The following IVL variants were observed in gnomAD, a reference collection of about 807,000 sequenced individuals.
The protein encoded by IVL is involucrin.
For missense variants in IVL, 722 were observed against 624.9 expected (o/e 1.16, Z -1.66); for synonymous variants, 257 against 271.0 (o/e 0.95, Z 0.51).
In IVL at chr1:152,910,889, G is replaced by A. The variant is rs1389293035; in HGVS notation, c.1092G>A (p.Gly364=). 2 of 1,551,028 alleles carry A rather than the reference G, an allele frequency of 1.3e-6. No individual in the cohort carries two copies. Among genetic ancestry groups the A allele is most frequent in the South Asian group, 1.2e-5 (1 of 84,006 alleles). Residue 364 remains glycine (G), a synonymous_variant, in exon 2 of 2, where the codon GGG becomes GGA. Transcript: ENST00000368764. ...EHLEHQEGQL[G]LPEQQVLQLK... ...TGGAGCACCAGGAAGGGCAGCTGGG[G>A]CTCCCAGAGCAGCAGGTGCTGCAGC...
chr1:152,909,945 G>C lies in IVL; in HGVS notation c.148G>C (p.Glu50Gln). 6.2e-7 allele frequency: 1 copy of C among 1,613,948 alleles called. No homozygotes were observed. The highest frequency in any genetic ancestry group is 8.5e-7 in the Non-Finnish European group (1 of 1,179,936). ...LPPPCQKVPV[E>Q]LPVEVPSKQE... is the part of the protein sequence containing the mutation. ...TCCCCCATGCCAGAAGGTGCCTGTC[G>C]AGCTCCCAGTGGAGGTCCCATCAAA... Residue 50 changes from glutamate (E) to glutamine (Q), a missense_variant, in exon 2 of 2, where the codon GAG (glutamate) becomes CAG (glutamine). Physicochemically the swap from Glu to Gln is conservative, Grantham distance 29. Coordinates refer to ENST00000368764, the MANE Select transcript of IVL (RefSeq NM_005547.4).
chr1:152,909,702 A>G, intron 1 of IVL, 77 bp from the exon 2 acceptor site: 2 of 1,191,764 alleles, frequency 1.7e-6, no homozygotes, highest in Non-Finnish European at 2.4e-6. Flanking sequence ...AAAAAACCAG[A>G]TACTTCTGCA....
In IVL at chr1:152,910,354, C is replaced by G. The variant is rs748096693; in HGVS notation, c.557C>G (p.Pro186Arg). Reference sequence around the variant, plus strand: ...CAGCAGGAGGGGCAGCTGGAGCTCCCAGAGCAGCAGGAGGGGCAGCTGGAG... The same window carrying G: ...CAGCAGGAGGGGCAGCTGGAGCTCCGAGAGCAGCAGGAGGGGCAGCTGGAG... ...PEQQEGQLEL[P>R]EQQEGQLELP... Residue 186 changes from proline (P) to arginine (R), a missense_variant, in exon 2 of 2, where the codon CCA (proline) becomes CGA (arginine). By Grantham distance (103) the Pro-to-Arg change is moderately radical (BLOSUM62 -2). Coordinates refer to ENST00000368764, the MANE Select transcript of IVL (RefSeq NM_005547.4). The G allele has an allele frequency of 1.6e-5, 25 of 1,522,302 alleles. No homozygotes were observed. 94.3% of individuals were successfully genotyped at this position (1,522,302 alleles called of 1,614,324 possible). A position where few individuals can be genotyped will look rare whatever the true frequency, so the allele number is the denominator to read the frequency against.
rs925233325 is a variant in IVL at position 152,911,303 on chromosome 1, C to T, written c.1506C>T (p.His502=). The change falls in exon 2 of 2, where the codon CAC becomes CAT. Residue 502 remains histidine (H), a synonymous_variant. Coordinates refer to ENST00000368764, the MANE Select transcript of IVL (RefSeq NM_005547.4). ...AGCAGCAGGTAGGACAGCCAAAGCA[C>T]CTGGAACAGCAGGAAAAGCACCTAG... ...LPEQQVGQPK[H]LEQQEKHLEH... The T allele has an allele frequency of 6.4e-7, 1 of 1,569,736 alleles. No homozygotes were observed. The highest frequency in any genetic ancestry group is 8.6e-7 in the Non-Finnish European group (1 of 1,157,668).
At position 152,909,944 on chromosome 1, in the gene IVL, C is replaced by A. The variant is rs774830762; in HGVS notation, c.147C>A (p.Val49=). The change falls in exon 2 of 2, where the codon GTC becomes GTA. Residue 49 remains valine (V), a synonymous_variant. Coordinates refer to ENST00000368764, the MANE Select transcript of IVL (RefSeq NM_005547.4). ...PLPPPCQKVP[V]ELPVEVPSKQ... ...CTCCCCCATGCCAGAAGGTGCCTGT[C>A]GAGCTCCCAGTGGAGGTCCCATCAA... 1.9e-6 allele frequency: 3 copies of A among 1,614,118 alleles called. No individual in the cohort carries two copies. The highest frequency in any genetic ancestry group is 2.5e-6 in the Non-Finnish European group (3 of 1,180,024).
chr1:152,911,320 A>T lies in IVL; in HGVS notation c.1523A>T (p.Lys508Met). The stretch of plus-strand genomic sequence containing the variant: ...CCAAAGCACCTGGAACAGCAGGAAA[A>T]GCACCTAGAGCACCCAGAGCAGCAG... ...GQPKHLEQQE[K>M]HLEHPEQQDG... The change falls in exon 2 of 2, where the codon AAG (lysine) becomes ATG (methionine). Residue 508 changes from lysine (K) to methionine (M), a missense_variant. Lys to Met is a moderately conservative substitution (Grantham distance 95). Coordinates refer to ENST00000368764, the MANE Select transcript of IVL (RefSeq NM_005547.4). The T allele has an allele frequency of 6.3e-7, 1 of 1,579,890 alleles. No homozygotes were observed. The highest frequency in any genetic ancestry group is 2.3e-5 in the East Asian group (1 of 42,908).
In IVL at chr1:152,910,560, C is replaced by T. The variant is rs4459054; in HGVS notation, c.763C>T (p.Leu255Phe). The T allele has an allele frequency of 1.2e-3, 1,918 of 1,542,370 alleles. 50 individuals are homozygous for T. In the African/African-American group the frequency reaches 0.026, roughly 21 times the overall value. The change falls in exon 2 of 2, where the codon CTC becomes TTC. Residue 255 changes from leucine (L) to phenylalanine (F), a missense_variant. By Grantham distance (22) the Leu-to-Phe change is conservative. Transcript: ENST00000368764. ...TGAGCAGCAGGAGGGGCAGCTGGAG[C>T]TCTCTGAGCAGCAGGAGGGACAGCT... is the stretch of plus-strand genomic sequence containing the variant. ...LSEQQEGQLE[L>F]SEQQEGQLKH... is the part of the protein sequence containing the mutation.
rs190623998 is a variant in IVL at position 152,911,090 on chromosome 1, G to C, written c.1293G>C (p.Lys431Asn). The C allele has an allele frequency of 6.4e-7, 1 of 1,552,684 alleles. No homozygotes were observed. The highest frequency in any genetic ancestry group is 8.7e-7 in the Non-Finnish European group (1 of 1,147,466). Reference sequence around the variant, plus strand: ...TGGAGCAGCAGGTGGGGCAGCTGAAGCACCTAGAGGAGCAGGAGGGACAAC... The same window carrying C: ...TGGAGCAGCAGGTGGGGCAGCTGAACCACCTAGAGGAGCAGGAGGGACAAC... ...EHLEQQVGQLKHLEEQEGQLK... is the reference protein window; with the variant it reads ...EHLEQQVGQLNHLEEQEGQLK... The change falls in exon 2 of 2, where the codon AAG becomes AAC. Residue 431 changes from lysine (K) to asparagine (N), a missense_variant. By Grantham distance (94) the Lys-to-Asn change is moderately conservative. Coordinates refer to ENST00000368764, the MANE Select transcript of IVL (RefSeq NM_005547.4).
intron 1 of IVL, 96 bp from the exon 2 acceptor site, chr1:152,909,682 AG>A (rs1649881033): frequency 1.1e-6 from 1 of 887,252 alleles, no homozygotes. Context: ...CCAAGGGAAG[AG>A]GGGATGCTAA....
chr1:152,911,352 C>A lies in IVL; in HGVS notation c.1555C>A (p.Gln519Lys), dbSNP rs1364302652. ...HLEHPEQQDGQLKHLEQQEGQ... is the reference protein window; with the variant it reads ...HLEHPEQQDGKLKHLEQQEGQ... ...AGAGCACCCAGAGCAGCAGGACGGA[C>A]AACTAAAACATCTGGAGCAGCAGGA... is the stretch of plus-strand genomic sequence containing the variant. The change falls in exon 2 of 2, where the codon CAA (glutamine) becomes AAA (lysine). Residue 519 changes from glutamine to lysine, a missense_variant. Coordinates refer to ENST00000368764, the MANE Select transcript of IVL (RefSeq NM_005547.4). The A allele has an allele frequency of 1.9e-6, 3 of 1,606,410 alleles. No homozygotes were observed. In the Admixed American group the frequency reaches 5.1e-5, roughly 28 times the overall value.
At chr1:152,909,673 C>T in intron 1 of IVL, 106 bp from the exon 2 acceptor site, 1 of 829,470 alleles carries the variant, frequency 1.2e-6, no homozygotes, top group Non-Finnish European at 1.9e-6. Context: ...GTACCCTGCC[C>T]AAGGGAAGAG....
In IVL at chr1:152,911,144, G is replaced by A. The variant is rs61731340; in HGVS notation, c.1347G>A (p.Gln449=). The A allele has an allele frequency of 1.9e-3, 2,884 of 1,558,780 alleles. 48 individuals are homozygous for A. The African/African-American group carries it at 0.034, about 19-fold the overall frequency. Reference sequence around the variant, plus strand: ...AGCATCTGGAGCAGCAGCAGGGGCAGTTGGAGGTCCCAGAGCAGCAGGTGG... The same window carrying A: ...AGCATCTGGAGCAGCAGCAGGGGCAATTGGAGGTCCCAGAGCAGCAGGTGG... ...QLKHLEQQQG[Q]LEVPEQQVGQ... is the part of the protein sequence containing the mutation. The change falls in exon 2 of 2, where the codon CAG becomes CAA. Residue 449 remains glutamine, a synonymous_variant. Transcript: ENST00000368764.
chr1:152,910,090 A>G lies in IVL; in HGVS notation c.293A>G (p.Tyr98Cys), dbSNP rs760969148. ...CAGCACTGGGAACAGCATGAGGAAT[A>G]TCAGAAAGCAGAAAACCCAGAGCAG... is the stretch of plus-strand genomic sequence containing the variant. ...QQQHWEQHEE[Y>C]QKAENPEQQL... The change falls in exon 2 of 2, where the codon TAT becomes TGT. Residue 98 changes from tyrosine to cysteine, a missense_variant. Coordinates refer to ENST00000368764, the MANE Select transcript of IVL (RefSeq NM_005547.4). 3 of 1,614,112 alleles carry G rather than the reference A, an allele frequency of 1.9e-6. No individual in the cohort carries two copies. Among genetic ancestry groups the G allele is most frequent in the African/African-American group, 2.7e-5 (2 of 74,946 alleles).
rs1224210005 is a variant in IVL, at chr1:152,911,748, C to T, written c.*193C>T. ...TGTCCAGTGCCAACCCCAATGACCC[C>T]AATCCCAACCTCAGGTGAGCAGAGC... On this transcript the variant is annotated 3_prime_UTR_variant, in exon 2 of 2. Coordinates refer to ENST00000368764, the MANE Select transcript of IVL (RefSeq NM_005547.4). 5 of 605,384 alleles carry T rather than the reference C, an allele frequency of 8.3e-6. No individual in the cohort carries two copies. The highest frequency in any genetic ancestry group is 1.9e-5 in the African/African-American group (1 of 53,774). The allele number at this position is 605,384 out of a possible 1,614,324, so 37.5% of individuals were successfully genotyped here.
In IVL at chr1:152,910,636, T is replaced by C; in HGVS notation, c.839T>C (p.Met280Thr). Residue 280 changes from methionine to threonine, a missense_variant, in exon 2 of 2, where the codon ATG (methionine) becomes ACG (threonine). Physicochemically the swap from Met to Thr is moderately conservative, Grantham distance 81. Transcript: ENST00000368764. ...CAGCTGGAGGTCCCAGAGGAGCAGA[T>C]GGGGCAGCTGAAGTACCTGGAACAG... Reference protein sequence around the residue: ...EGQLEVPEEQMGQLKYLEQQE... With the variant: ...EGQLEVPEEQTGQLKYLEQQE... 1 of 1,519,314 alleles carries C rather than the reference T, an allele frequency of 6.6e-7. No individual in the cohort carries two copies. Among genetic ancestry groups the C allele is most frequent in the African/African-American group, 1.6e-5 (1 of 63,378 alleles). 94.1% of individuals were successfully genotyped at this position (1,519,314 alleles called of 1,614,324 possible).
Position 152,911,310 on chromosome 1 carries a change from C to T in IVL, c.1513C>T (p.Gln505Ter), listed in dbSNP as rs149718823. The T allele has an allele frequency of 2.5e-6, 4 of 1,574,084 alleles. No homozygotes were observed. Among genetic ancestry groups the T allele is most frequent in the Non-Finnish European group, 3.4e-6 (4 of 1,159,832 alleles). ...GGTAGGACAGCCAAAGCACCTGGAA[C>T]AGCAGGAAAAGCACCTAGAGCACCC... Reference protein sequence around the residue: ...QQVGQPKHLEQQEKHLEHPEQ... With the variant: ...QQVGQPKHLE The change falls in exon 2 of 2, where the codon CAG becomes TAG. Residue 505 changes from glutamine (Q) to a stop codon, truncating the protein, a stop_gained. Transcript: ENST00000368764. LOFTEE classifies it low-confidence loss of function (END_TRUNC).
Position 152,911,228 on chromosome 1 carries a change from G to A in IVL, c.1431G>A (p.Glu477=), listed in dbSNP as rs1463027460. ...AACTGGAGCTCCCAGAGCAGCAAGA[G>A]GGCCAGGTGAAGCACCTGGAGAAGC... ...EKQLELPEQQ[E]GQVKHLEKQE... The change falls in exon 2 of 2, where the codon GAG becomes GAA. Residue 477 remains glutamate, a synonymous_variant. Coordinates refer to ENST00000368764, the MANE Select transcript of IVL (RefSeq NM_005547.4). 1.9e-6 allele frequency: 3 copies of A among 1,556,366 alleles called. No homozygotes were observed. In the African/African-American group the frequency reaches 4.1e-5, roughly 21 times the overall value.
Position 152,910,759 on chromosome 1 carries a change from G to A in IVL, c.962G>A (p.Gly321Glu). The A allele has an allele frequency of 6.5e-7, 1 of 1,549,450 alleles. No homozygotes were observed. Among genetic ancestry groups the A allele is most frequent in the Non-Finnish European group, 8.7e-7 (1 of 1,146,540 alleles). Residue 321 changes from glycine (G) to glutamate (E), a missense_variant, in exon 2 of 2, where the codon GGG becomes GAG. Physicochemically the swap from Gly to Glu is moderately conservative, Grantham distance 98 (BLOSUM62 -2). Coordinates refer to ENST00000368764, the MANE Select transcript of IVL (RefSeq NM_005547.4). ...CTGAAGCACCTGGAGCAGCAGGAGG[G>A]GCAGCCTAAGCATCTGGAGCAGCAG... The part of the protein sequence containing the change: ...GQLKHLEQQE[G>E]QPKHLEQQEG...
chr1:152,909,337 C>T (rs1024374883), intron 1 of IVL, among the ~76,000 whole-genome samples: 2 of 152,226 alleles, frequency 1.3e-5, no homozygotes, highest in Admixed American at 6.5e-5. Flanking sequence ...TCCTCTCTGG[C>T]ACGGCCTATT....
Sources: gnomAD v4.1 joint callset for allele counts (sites outside exome capture counted in the v4.1 genomes callset) on GRCh38, gnomAD v4.1.1 for gene constraint, MANE v1.5 for transcripts, NCBI Gene and HGNC (gene_info 2026-07-23, HGNC 2026-07-21) for gene names.